The following CENPI variants were observed in gnomAD, a reference collection of about 807,000 sequenced individuals.
CENPI encodes centromere protein I.
CENPI carries 4 observed loss-of-function variants against 60.4 expected under a neutral mutation model. The observed-to-expected ratio is 0.07, with a 90% confidence interval of 0.03 to 0.15. The LOEUF (loss-of-function observed/expected upper bound fraction) is 0.15. Ranked by LOEUF, CENPI falls within the 10% of genes least tolerant of loss-of-function variation. The probability of loss-of-function intolerance (pLI) is 1.00; values close to 1 mark genes in which losing one functional copy is unlikely to be tolerated. For synonymous variants in CENPI, 157 were observed against 189.4 expected (o/e 0.83, Z 1.40); for missense variants, 444 against 534.5 (o/e 0.83, Z 1.67).
chrX:101,099,060 T>C (rs951727926), intron 2 of CENPI, among the ~76,000 whole-genome samples: 2 of 111,334 alleles, frequency 1.8e-5, no homozygotes, highest in Non-Finnish European at 3.8e-5. Context: ...CTTTCTTTCT[T>C]TCTGTCTCTG....
Position 101,132,279 on chromosome X carries a change from G to A in CENPI, c.1377G>A (p.Val459=). 1 of 1,207,667 alleles carries A rather than the reference G, an allele frequency of 8.3e-7. No individual in the cohort carries two copies. The highest frequency in any genetic ancestry group is 1.1e-6 in the Non-Finnish European group (1 of 892,246). The change falls in exon 14 of 22, where the codon GTG becomes GTA. Residue 459 remains valine, a synonymous_variant. Transcript: ENST00000682095. The part of the protein sequence containing the change: ...LCCRSQFLQL[V]SWIPFSSFSE... ...GTCGGTCACAGTTCCTTCAGCTTGTGAGCTGGATTCCTTTTAGTAGCTTCT... is the reference window on the plus strand; with the variant it reads ...GTCGGTCACAGTTCCTTCAGCTTGTAAGCTGGATTCCTTTTAGTAGCTTCT...
Position 101,147,837 on chromosome X carries a change from A to T in CENPI, c.1875+26A>T, listed in dbSNP as rs755082610. On this transcript the variant is annotated intron_variant, in intron 19 of 21. Coordinates refer to ENST00000682095, the MANE Select transcript of CENPI (RefSeq NM_001386188.2). ...GTATGAATGAGAAAGCTCTGTGTTA[A>T]ATCACTGTTGTTTAAAAATTAAGTC... The T allele has an allele frequency of 2.5e-6, 3 of 1,190,051 alleles. No individual in the cohort carries two copies. The African/African-American group carries it at 5.3e-5, about 21-fold the overall frequency.
chrX:101,166,490 C>A (rs1365691665), downstream of CENPI, among the ~76,000 whole-genome samples: 3 of 112,528 alleles, frequency 2.7e-5, no homozygotes, highest in Non-Finnish European at 5.6e-5. Flanking sequence ...GATTATATGG[C>A]AGTGCAAATA....
Position 101,140,565 on chromosome X carries a change from G to A in CENPI, c.1471-101G>A, listed in dbSNP as rs1017290669. 1.6e-5 allele frequency: 9 copies of A among 563,351 alleles called. No homozygotes were observed. In the African/African-American group the frequency reaches 1.6e-4, roughly 10 times the overall value. The allele number at this position is 563,351 out of a possible 1,213,427, so 46.4% of individuals were successfully genotyped here. A position where few individuals can be genotyped will look rare whatever the true frequency, so the allele number is the denominator to read the frequency against. On this transcript the variant is annotated intron_variant, in intron 15 of 21. Coordinates refer to ENST00000682095, the MANE Select transcript of CENPI (RefSeq NM_001386188.2). ...GCTGTTGGGTTCAAAATTTGATGTG[G>A]TCATCTCCATGGTCCTTTTCATCTC...
the CENPI span, among the ~76,000 whole-genome samples, chrX:101,173,273 C>A: frequency 9.6e-6 from 1 of 104,194 alleles, no homozygotes; most frequent in Non-Finnish European, 1.9e-5. Context: ...CTCGGCCTCC[C>A]AAAGTGCTGG....
intron 6 of CENPI, among the ~76,000 whole-genome samples, chrX:101,113,282 T>TACACAC (rs533672702): frequency 2.4e-3 from 203 of 83,971 alleles, no homozygotes; most frequent in African/African-American, 6.3e-3. Flanking sequence ...TCCATCCCTT[T>TACACAC]ACACACACAC....
At chrX:101,143,626 G>A (rs1417815687) in intron 16 of CENPI, among the ~76,000 whole-genome samples, 1 of 112,424 alleles carries the variant, frequency 8.9e-6, no homozygotes, top group East Asian at 2.8e-4. Context: ...CACCTCCTGG[G>A]TTCAAGGGAT....
the CENPI span, among the ~76,000 whole-genome samples, chrX:101,173,509 G>A: frequency 9.2e-6 from 1 of 108,733 alleles, no homozygotes; most frequent in Admixed American, 1.0e-4. Context: ...CAACCAGAGT[G>A]ATGATGTTTT....
chrX:101,123,942 G>C, intron 8 of CENPI, among the ~76,000 whole-genome samples: 1 of 111,372 alleles, frequency 9.0e-6, no homozygotes, highest in Non-Finnish European at 1.9e-5. Flanking sequence ...CATGATGATT[G>C]GAAACTTGTG....
the CENPI span, among the ~76,000 whole-genome samples, chrX:101,178,398 C>CT: frequency 0.038 from 1,500 of 39,958 alleles, 164 homozygotes; most frequent in Non-Finnish European, 0.056. Flanking sequence ...TTTTCTTCTT[C>CT]TTTTTTTTTT....
the CENPI span, among the ~76,000 whole-genome samples, chrX:101,178,773 G>A: frequency 9.0e-6 from 1 of 111,309 alleles, no homozygotes; most frequent in Non-Finnish European, 1.9e-5. Flanking sequence ...TACTCACATT[G>A]GTTAATAACT....
At position 101,119,038 on chromosome X, in the gene CENPI, G is replaced by A. The variant is rs780216245; in HGVS notation, c.592-1364G>A. On this transcript the variant is annotated intron_variant, in intron 6 of 21. Transcript: ENST00000682095. ...TCTACTAAAAGTACAAAATTAGCCG[G>A]GTGTGGTGGTGCATGCCTGTAATCT... 4.2e-3 allele frequency among the ~76,000 whole-genome samples: 470 copies of A among 110,742 alleles called. 2 individuals are homozygous for A. The highest frequency in any genetic ancestry group is 6.9e-3 in the Non-Finnish European group (366 of 52,916).
At chrX:101,115,071 C>T (rs1488662001) in intron 6 of CENPI, among the ~76,000 whole-genome samples, 3 of 110,083 alleles carry the variant, frequency 2.7e-5, no homozygotes, top group Non-Finnish European at 5.7e-5. Flanking sequence ...TCAAGTGATT[C>T]TCCTGCCTCA....
At chrX:101,101,904 G>A (rs774926780) in intron 3 of CENPI, among the ~76,000 whole-genome samples, 229 of 112,640 alleles carry the variant, frequency 2.0e-3, no homozygotes, top group Middle Eastern at 4.6e-3. Context: ...TTTTGGAGAC[G>A]GGGTCTTGCT....
At chrX:101,169,679 G>A (rs775120935), downstream of CENPI, among the ~76,000 whole-genome samples, 11 of 111,697 alleles carry the variant, frequency 9.8e-5, no homozygotes, top group Admixed American at 3.8e-4. Flanking sequence ...TCCTTCAGGA[G>A]GTATTCCAGA....
chrX:101,124,090 A>AGTGTGTGTGT (rs397842781), intron 8 of CENPI, among the ~76,000 whole-genome samples: 93 of 88,271 alleles, frequency 1.1e-3, no homozygotes, highest in Non-Finnish European at 1.3e-3. Context: ...TATAGAATCA[A>AGTGTGTGTGT]GTGTGTGTGT....
At position 101,101,091 on chromosome X, in the gene CENPI, TAAG is replaced by T; in HGVS notation, c.24_26del (p.Lys8del). 8.3e-7 allele frequency: 1 copy of T among 1,209,815 alleles called. No individual in the cohort carries two copies. The highest frequency in any genetic ancestry group is 1.1e-6 in the Non-Finnish European group (1 of 893,752). Reference sequence around the variant, plus strand: ...CAGTAATGTCACCTCAAAAGAGAGTTAAGAACGTCCAGGCACAAAACAGGACTT... The same window carrying T: ...CAGTAATGTCACCTCAAAAGAGAGTTAACGTCCAGGCACAAAACAGGACTT... On this transcript the variant is annotated inframe_deletion, in exon 3 of 22. Transcript: ENST00000682095.
In CENPI at chrX:101,101,097, C is replaced by T. The variant is rs1434404391; in HGVS notation, c.27C>T (p.Asn9=). The T allele has an allele frequency of 1.4e-5, 17 of 1,208,075 alleles. No homozygotes were observed. The highest frequency in any genetic ancestry group is 3.5e-5 in the South Asian group (2 of 56,776). Residue 9 remains asparagine (N), a synonymous_variant, in exon 3 of 22, where the codon AAC becomes AAT. Coordinates refer to ENST00000682095, the MANE Select transcript of CENPI (RefSeq NM_001386188.2). ...TGTCACCTCAAAAGAGAGTTAAGAA[C>T]GTCCAGGCACAAAACAGGACTTCAC... is the stretch of plus-strand genomic sequence containing the variant. The part of the protein sequence containing the change: MSPQKRVK[N]VQAQNRTSQG...
At position 101,127,221 on chromosome X, in the gene CENPI, T is replaced by G. The variant is rs766318302; in HGVS notation, c.861T>G (p.Pro287=). 1 of 1,197,410 alleles carries G rather than the reference T, an allele frequency of 8.4e-7. No homozygotes were observed. Among genetic ancestry groups the G allele is most frequent in the Non-Finnish European group, 1.1e-6 (1 of 889,608 alleles). ...GAAACCGGGGACCTTCTCCAGAACC[T>G]CTGAAGTTGATGTTAGGTCCAGCTA... The part of the protein sequence containing the change: ...KQRNRGPSPE[P]LKLMLGPANV... The change falls in exon 10 of 22, where the codon CCT becomes CCG. Residue 287 remains proline (P), a synonymous_variant. Transcript: ENST00000682095.
Sources: gnomAD v4.1 joint callset for allele counts (sites outside exome capture counted in the v4.1 genomes callset) on GRCh38, gnomAD v4.1.1 for gene constraint, MANE v1.5 for transcripts, NCBI Gene and HGNC (gene_info 2026-07-23, HGNC 2026-07-21) for gene names.